The following ZNF461 variants were observed in gnomAD, a reference collection of about 807,000 sequenced individuals.
The protein encoded by ZNF461 is gonadotropin-inducible ovarian transcription factor-1.
Under a neutral mutation model 18.3 loss-of-function variants are expected in ZNF461, and 16 were observed. That is an observed-to-expected ratio of 0.88 (90% CI 0.59 to 1.33). ZNF461 has a LOEUF of 1.33. ZNF461 is among the 40% of genes most tolerant of loss of function. The pLI is 0.00. For missense variants in ZNF461, 595 were observed against 669.9 expected (o/e 0.89, Z 1.23); for synonymous variants, 179 against 216.9 (o/e 0.83, Z 1.54).
chr19:36,659,096 T>C (rs939314015), intron 2 of ZNF461, among the ~76,000 whole-genome samples: 4 of 152,136 alleles, frequency 2.6e-5, no homozygotes, highest in Non-Finnish European at 5.9e-5. Flanking sequence ...CTGGGGATGT[T>C]CCTTCTGGAA....
At chr19:36,660,920 G>T (rs893299442) in intron 2 of ZNF461, among the ~76,000 whole-genome samples, 3 of 152,014 alleles carry the variant, frequency 2.0e-5, no homozygotes, top group East Asian at 3.9e-4. Context: ...ATCAACTAAA[G>T]AAAGAAATAT....
At chr19:36,645,736 G>T (rs1173311005) in intron 4 of ZNF461, among the ~76,000 whole-genome samples, 1 of 152,108 alleles carries the variant, frequency 6.6e-6, no homozygotes, top group Non-Finnish European at 1.5e-5. Flanking sequence ...ATATTCTGGA[G>T]TCTGAATGTG....
rs12981751 is a variant in ZNF461 at position 36,656,428 on chromosome 19, T to C, written c.232+20A>G. 6.2e-7 allele frequency: 1 copy of C among 1,604,356 alleles called. No individual in the cohort carries two copies. Among genetic ancestry groups the C allele is most frequent in the Middle Eastern group, 1.7e-4 (1 of 6,032 alleles). On this transcript the variant is annotated intron_variant, in intron 4 of 5. Transcript: ENST00000588268. Reference sequence around the variant, plus strand: ...AGCTGGCCTGCTCTCTGCAAGAGCTTCCTGTGCTTGCTCACTCACCTGGGC... The same window carrying C: ...AGCTGGCCTGCTCTCTGCAAGAGCTCCCTGTGCTTGCTCACTCACCTGGGC...
chr19:36,644,585 T>C (rs199944242), intron 4 of ZNF461, among the ~76,000 whole-genome samples: 2,287 of 150,280 alleles, frequency 0.015, 40 homozygotes, highest in East Asian at 0.068. Context: ...TTGTGTTTTT[T>C]TTTGTTTTGT....
At chr19:36,662,096 C>T (rs77056737) in intron 2 of ZNF461, among the ~76,000 whole-genome samples, 6,995 of 151,920 alleles carry the variant, frequency 0.046, 465 homozygotes, top group African/African-American at 0.14. Context: ...ATCGAACTCC[C>T]GACCTCAGGT....
chr19:36,656,274 C>T (rs889496182), intron 4 of ZNF461, among the ~76,000 whole-genome samples, 174 bp downstream of exon 4: 30 of 152,202 alleles, frequency 2.0e-4, no homozygotes, highest in African/African-American at 4.8e-4. Context: ...CGTGAGCCAC[C>T]GCGCCCGGCC....
At position 36,638,226 on chromosome 19, in the gene ZNF461, CA is replaced by C; in HGVS notation, c.*426del. ...TATTATGAAAAGGACAAGACGCTGT[CA>C]AATGTCTGTATGGGGGTAAAAGCTC... is the stretch of plus-strand genomic sequence containing the variant. On this transcript the variant is annotated 3_prime_UTR_variant, in exon 6 of 6. Coordinates refer to ENST00000588268, the MANE Select transcript of ZNF461 (RefSeq NM_153257.5). 1 of 175,294 alleles carries C rather than the reference CA, an allele frequency of 5.7e-6. No individual in the cohort carries two copies. Among genetic ancestry groups the C allele is most frequent in the Non-Finnish European group, 1.2e-5 (1 of 82,236 alleles). 10.9% of individuals were successfully genotyped at this position (175,294 alleles called of 1,614,324 possible). A position where few individuals can be genotyped will look rare whatever the true frequency, so the allele number is the denominator to read the frequency against.
chr19:36,641,910 A>T (rs1166178230), intron 5 of ZNF461, among the ~76,000 whole-genome samples: 1 of 152,062 alleles, frequency 6.6e-6, no homozygotes, highest in South Asian at 2.1e-4. Flanking sequence ...TATTATTATT[A>T]TTACTATTGC....
At chr19:36,655,386 T>C (rs1293576717) in intron 4 of ZNF461, among the ~76,000 whole-genome samples, 1 of 152,094 alleles carries the variant, frequency 6.6e-6, no homozygotes, top group Non-Finnish European at 1.5e-5. Context: ...GGAGGATTGC[T>C]TAAGGAGGTC....
At chr19:36,658,967 C>T (rs532761117) in intron 2 of ZNF461, among the ~76,000 whole-genome samples, 2 of 152,132 alleles carry the variant, frequency 1.3e-5, no homozygotes, top group African/African-American at 4.8e-5. Flanking sequence ...GGTCTGTGCC[C>T]CCTTCTCTTG....
At chr19:36,651,798 G>A (rs772450552) in intron 4 of ZNF461, among the ~76,000 whole-genome samples, 4 of 152,138 alleles carry the variant, frequency 2.6e-5, no homozygotes, top group Admixed American at 1.3e-4. Flanking sequence ...GAAAATCTAA[G>A]CAAATTTTTT....
rs138944231 is a variant in ZNF461, at chr19:36,651,788, G to A, written c.232+4660C>T. Among the ~76,000 whole-genome samples, 365 of 152,258 alleles carry A rather than the reference G, an allele frequency of 2.4e-3. 1 individual carries two copies. Among genetic ancestry groups the A allele is most frequent in the African/African-American group, 8.4e-3 (349 of 41,562 alleles). On this transcript the variant is annotated intron_variant, in intron 4 of 5. Transcript: ENST00000588268. ...TCTATAGGCTTAACACAATTCCCAT[G>A]AAAATCTAAGCAAATTTTTTGTAGA... is the stretch of plus-strand genomic sequence containing the variant.
chr19:36,638,797 C>CTGATGGTG lies in ZNF461; in HGVS notation c.1540_1547dup (p.Gln516HisfsTer49), dbSNP rs1202174485. 2 of 1,614,166 alleles carry CTGATGGTG rather than the reference C, an allele frequency of 1.2e-6. No homozygotes were observed. The highest frequency in any genetic ancestry group is 2.2e-5 in the South Asian group (2 of 91,082). On this transcript the variant is annotated frameshift_variant, in exon 6 of 6. Transcript: ENST00000588268. LOFTEE classifies it low-confidence loss of function (END_TRUNC). ...AAGGTTTCTTTCCAGAATGAATTCT[C>CTGATGGTG]TGATGGTGTGAGAAGCTTGAATGAT...
chr19:36,638,987 C>T lies in ZNF461; in HGVS notation c.1358G>A (p.Cys453Tyr), dbSNP rs544554907. 1.9e-6 allele frequency: 3 copies of T among 1,613,812 alleles called. No homozygotes were observed. Among genetic ancestry groups the T allele is most frequent in the East Asian group, 4.5e-5 (2 of 44,860 alleles). Reference sequence around the variant, plus strand: ...TCTCTGATGTCTTTTGAGGTGTGAACACTGTCTAAAAGTCTTCCCACATTC... The same window carrying T: ...TCTCTGATGTCTTTTGAGGTGTGAATACTGTCTAAAAGTCTTCCCACATTC... Reference protein sequence around the residue: ...CKECGKTFRQCSHLKRHQRIH... With the variant: ...CKECGKTFRQYSHLKRHQRIH... The change falls in exon 6 of 6, where the codon TGT becomes TAT. Residue 453 changes from cysteine to tyrosine, a missense_variant. Cys to Tyr is a radical substitution (Grantham distance 194). Transcript: ENST00000588268.
At chr19:36,665,205 A>C (rs1041101338) in intron 1 of ZNF461, among the ~76,000 whole-genome samples, 11 of 152,220 alleles carry the variant, frequency 7.2e-5, no homozygotes, top group African/African-American at 2.7e-4. Flanking sequence ...TGTATGTGTA[A>C]CAGAAATTTC....
At chr19:36,649,821 A>G (rs1389537095) in intron 4 of ZNF461, among the ~76,000 whole-genome samples, 7 of 152,240 alleles carry the variant, frequency 4.6e-5, no homozygotes, top group Non-Finnish European at 1.0e-4. Flanking sequence ...ACATATACAT[A>G]TATCAAAACA....
intron 5 of ZNF461, among the ~76,000 whole-genome samples, chr19:36,640,918 G>C (rs1270459295): frequency 2.6e-5 from 4 of 152,138 alleles, no homozygotes; most frequent in African/African-American, 9.7e-5. Flanking sequence ...TCAGCTCCTA[G>C]GCATGAGAAT....
Position 36,638,515 on chromosome 19 carries a change from CT to C in ZNF461, c.*137del. 3.0e-6 allele frequency: 2 copies of C among 666,984 alleles called. No individual in the cohort carries two copies. The highest frequency in any genetic ancestry group is 2.9e-5 in the South Asian group (1 of 34,854). 41.3% of individuals were successfully genotyped at this position (666,984 alleles called of 1,614,324 possible). A position where few individuals can be genotyped will look rare whatever the true frequency, so the allele number is the denominator to read the frequency against. On this transcript the variant is annotated 3_prime_UTR_variant, in exon 6 of 6. Transcript: ENST00000588268. ...CATTAAAATGAGACCAAAATTTACA[CT>C]TTAGTTATCCACTTTCTCACTTAAA...
At chr19:36,660,348 CCA>C (rs2037796675) in intron 2 of ZNF461, among the ~76,000 whole-genome samples, 1 of 151,770 alleles carries the variant, frequency 6.6e-6, no homozygotes, top group Non-Finnish European at 1.5e-5. Context: ...TGGGGTTTCA[CCA>C]TCTTGTCCCG....
Sources: allele counts gnomAD v4.1 joint callset (sites outside exome capture counted in the v4.1 genomes callset), GRCh38; gene constraint gnomAD v4.1.1; transcripts MANE v1.5; gene names NCBI Gene and HGNC (gene_info 2026-07-23, HGNC 2026-07-21).